The following TERF2 variants were observed in gnomAD, a reference collection of about 807,000 sequenced individuals.
The protein encoded by TERF2 is telomeric repeat binding factor 2, also known as telomeric repeat-binding factor 2.
Under a neutral mutation model 56.1 loss-of-function variants are expected in TERF2, and 16 were observed. The ratio of observed to expected loss-of-function variants is 0.29; its 90% CI spans 0.19 to 0.43. The LOEUF (loss-of-function observed/expected upper bound fraction) is 0.43, where lower values mean the gene tolerates loss of function less well. Among genes scored for constraint, TERF2 ranks in the 20% least tolerant of loss-of-function variants. The pLI is 1.00. For synonymous variants in TERF2, 296 were observed against 282.1 expected (o/e 1.05, Z -0.50); for missense variants, 547 against 712.9 (o/e 0.77, Z 2.65).
chr16:69,384,591 C>T lies in TERF2; in HGVS notation c.595G>A (p.Val199Ile). Residue 199 changes from valine to isoleucine, a missense_variant, in exon 3 of 10, where the codon GTC becomes ATC. Around this residue, in one of 6 missense-constraint regions of TERF2, gnomAD observed 97 missense variants for 157.0 expected, o/e 0.62. Transcript: ENST00000254942. ...EAVVESSRKL[V>I]KEAAVIICIK... ...AAATAGAGCCTTACAGCTTCCTTGA[C>T]CAGTTTTCTACTGGATTCGACCACT... The T allele has an allele frequency of 1.2e-6, 2 of 1,612,926 alleles. No homozygotes were observed. Among genetic ancestry groups the T allele is most frequent in the Non-Finnish European group, 1.7e-6 (2 of 1,179,748 alleles).
intron 3 of TERF2, among the ~76,000 whole-genome samples, chr16:69,378,791 A>G (rs1040856189): frequency 2.0e-5 from 3 of 152,184 alleles, no homozygotes; most frequent in Non-Finnish European, 2.9e-5. Flanking sequence ...AGAAGAGAGT[A>G]TGTTTACTCT....
At chr16:69,370,150 C>T (rs572161180) in intron 5 of TERF2, 1 of 298,284 alleles carries the variant, frequency 3.4e-6, no homozygotes, top group African/African-American at 2.1e-5. Context: ...CCTGCCTCAG[C>T]CTCCAAAGTA....
intron 6 of TERF2, among the ~76,000 whole-genome samples, 156 bp downstream of exon 6, chr16:69,368,220 A>T (rs1292216500): frequency 2.0e-5 from 3 of 152,198 alleles, no homozygotes; most frequent in African/African-American, 4.8e-5. Context: ...TTATCTTCCC[A>T]GGGTGTGCAG....
intron 3 of TERF2, among the ~76,000 whole-genome samples, chr16:69,379,704 A>T (rs1241954902): frequency 6.6e-6 from 1 of 152,228 alleles, no homozygotes; most frequent in African/African-American, 2.4e-5. Context: ...TTATTAATTC[A>T]TTAGAAAATA....
At chr16:69,368,849 G>C (rs897515133) in intron 5 of TERF2, among the ~76,000 whole-genome samples, 59 of 151,894 alleles carry the variant, frequency 3.9e-4, no homozygotes, top group Admixed American at 3.7e-3. Context: ...GTTAATTTTT[G>C]TATTTTAGTA....
chr16:69,383,987 A>T (rs1469053597), intron 3 of TERF2, among the ~76,000 whole-genome samples: 1 of 152,196 alleles, frequency 6.6e-6, no homozygotes, highest in Non-Finnish European at 1.5e-5. Context: ...AAGCTACCTG[A>T]GCCACAACAC....
chr16:69,358,336 T>G (rs866186236), intron 8 of TERF2, among the ~76,000 whole-genome samples: 1 of 151,960 alleles, frequency 6.6e-6, no homozygotes, highest in South Asian at 2.1e-4. Flanking sequence ...TTAGTAGAGA[T>G]AGGGTTTCAC....
At chr16:69,375,934 T>C (rs1401649341) in intron 3 of TERF2, among the ~76,000 whole-genome samples, 2 of 152,206 alleles carry the variant, frequency 1.3e-5, no homozygotes, top group South Asian at 2.1e-4. Context: ...CTTGTTTCTT[T>C]TGAGAGCTCT....
intron 3 of TERF2, among the ~76,000 whole-genome samples, chr16:69,380,516 G>C (rs990216729): frequency 2.0e-5 from 3 of 151,570 alleles, no homozygotes; most frequent in African/African-American, 7.3e-5. Flanking sequence ...AAATTAGCCA[G>C]GGGTGGTGGT....
intron 7 of TERF2, chr16:69,365,237 G>A (rs914237554): frequency 2.0e-5 from 3 of 152,266 alleles, no homozygotes; most frequent in African/African-American, 7.2e-5. Flanking sequence ...TGTATCAAAT[G>A]AGAATAACAT....
In TERF2 at chr16:69,384,284, G is replaced by C. The variant is rs2014108403; in HGVS notation, c.606+296C>G. 2.0e-5 allele frequency among the ~76,000 whole-genome samples: 3 copies of C among 152,108 alleles called. No homozygotes were observed. In the South Asian group the frequency reaches 6.2e-4, roughly 32 times the overall value. On this transcript the variant is annotated intron_variant, in intron 3 of 9. Transcript: ENST00000254942. ...CAAACCCTAGGCCAGAGTTACTTAA[G>C]GCCCTTGTAGAGTGCTCCCGAATGG... is the stretch of plus-strand genomic sequence containing the variant.
At chr16:69,358,157 C>T (rs990937988) in intron 8 of TERF2, among the ~76,000 whole-genome samples, 7 of 152,294 alleles carry the variant, frequency 4.6e-5, no homozygotes, top group African/African-American at 1.7e-4. Context: ...GGACTACAGG[C>T]GCCCACCACT....
At chr16:69,376,349 A>G (rs1180870606) in intron 3 of TERF2, among the ~76,000 whole-genome samples, 2 of 152,142 alleles carry the variant, frequency 1.3e-5, no homozygotes, top group African/African-American at 4.8e-5. Flanking sequence ...TCAAAAATCA[A>G]TCAGTCATAT....
chr16:69,382,929 A>T (rs1183591352), intron 3 of TERF2, among the ~76,000 whole-genome samples: 1 of 152,212 alleles, frequency 6.6e-6, no homozygotes, highest in Non-Finnish European at 1.5e-5. Flanking sequence ...CAATAAGCAT[A>T]AGATCTAGTA....
chr16:69,385,398 T>C lies in TERF2; in HGVS notation c.468A>G (p.Glu156=). The C allele has an allele frequency of 6.2e-7, 1 of 1,613,794 alleles. No homozygotes were observed. The change falls in exon 2 of 10, where the codon GAA becomes GAG. Residue 156 remains glutamate, a synonymous_variant. Transcript: ENST00000254942. ...ACACAAAAATAGCCATACCTAAATT[T>C]TCCCCTTCTTCAATCCGCGACAGAC... is the stretch of plus-strand genomic sequence containing the variant. ...MQCLSRIEEG[E]NLDCSFDMEA...
At chr16:69,383,887 C>T (rs1014382266) in intron 3 of TERF2, among the ~76,000 whole-genome samples, 12 of 152,170 alleles carry the variant, frequency 7.9e-5, no homozygotes, top group African/African-American at 2.9e-4. Context: ...CCACACCCCC[C>T]AGCCTTGGTT....
At chr16:69,379,462 T>C (rs2013914532) in intron 3 of TERF2, among the ~76,000 whole-genome samples, 1 of 152,242 alleles carries the variant, frequency 6.6e-6, no homozygotes. Flanking sequence ...CTACCCCTTG[T>C]TCTCTAAAGA....
At chr16:69,359,913 C>G (rs1264916213) in intron 8 of TERF2, among the ~76,000 whole-genome samples, 1 of 151,890 alleles carries the variant, frequency 6.6e-6, no homozygotes, top group Non-Finnish European at 1.5e-5. Context: ...GCCACCACTC[C>G]TGGCCTAAAT....
In TERF2 at chr16:69,374,769, C is replaced by G. The variant is rs902256670; in HGVS notation, c.607-2414G>C. 5.3e-5 allele frequency among the ~76,000 whole-genome samples: 8 copies of G among 150,174 alleles called. No homozygotes were observed. The East Asian group carries it at 1.4e-3, about 26-fold the overall frequency. ...GATCATGAGGTCAGGAGTTCAAGAC[C>G]AGCCTGGTCAGCATGTGAAACCCTG... On this transcript the variant is annotated intron_variant, in intron 3 of 9. Transcript: ENST00000254942.
Sources: allele counts gnomAD v4.1 joint callset (sites outside exome capture counted in the v4.1 genomes callset), GRCh38; gene constraint gnomAD v4.1.1; regional missense constraint gnomAD v4.1.1; transcripts MANE v1.5; gene names NCBI Gene and HGNC (gene_info 2026-07-23, HGNC 2026-07-21).